The following RCSD1 variants were observed in gnomAD, a reference collection of about 807,000 sequenced individuals.
The protein encoded by RCSD1 is capZ-interacting protein.
RCSD1 carries 26 observed loss-of-function variants against 42.5 expected under a neutral mutation model. The observed-to-expected ratio is 0.61, with a 90% CI of 0.45 to 0.85. The LOEUF is 0.85. Among genes scored for constraint, RCSD1 ranks in the 40% least tolerant of loss-of-function variants. The pLI is 0.00. For missense variants in RCSD1, 571 were observed against 528.3 expected (o/e 1.08, Z -0.79); for synonymous variants, 220 against 212.2 (o/e 1.04, Z -0.32).
chr1:167,684,478 G>A (rs1659172005), intron 2 of RCSD1, among the ~76,000 whole-genome samples: 2 of 152,182 alleles, frequency 1.3e-5, no homozygotes, highest in Admixed American at 6.5e-5. Context: ...AAGGAAGAGC[G>A]TCCGGTGACC....
chr1:167,703,104 G>A (rs1026834568), intron 6 of RCSD1, among the ~76,000 whole-genome samples: 1 of 152,068 alleles, frequency 6.6e-6, no homozygotes, highest in Non-Finnish European at 1.5e-5. Context: ...TAACTTTGTA[G>A]TGTTAACATT....
At chr1:167,665,957 G>A (rs140154208) in intron 1 of RCSD1, among the ~76,000 whole-genome samples, 2,277 of 152,118 alleles carry the variant, frequency 0.015, 61 homozygotes, top group African/African-American at 0.051. Flanking sequence ...GATTACAGGC[G>A]TGTGCCACCA....
At chr1:167,686,159 C>T (rs1210580664) in intron 3 of RCSD1, among the ~76,000 whole-genome samples, 1 of 152,196 alleles carries the variant, frequency 6.6e-6, no homozygotes, top group Non-Finnish European at 1.5e-5. Context: ...GTGCCTTCTC[C>T]ACACCTTATG....
In RCSD1 at chr1:167,654,962, T is replaced by C. The variant is rs542600377; in HGVS notation, c.6+24533T>C. On this transcript the variant is annotated intron_variant, in intron 1 of 6. Transcript: ENST00000367854. ...TCTGCTCCTGAGTTCAGCTGGGTCC[T>C]GCAGACCCAGCCGTCATGTCTTCTC... 2.6e-4 allele frequency among the ~76,000 whole-genome samples: 40 copies of C among 152,288 alleles called. 1 individual carries two copies. The South Asian group carries it at 2.7e-3, about 10-fold the overall frequency.
chr1:167,640,835 A>G (rs1367229788), intron 1 of RCSD1: 1 of 152,124 alleles, frequency 6.6e-6, no homozygotes, highest in Non-Finnish European at 1.5e-5. Context: ...CAGGCATTAA[A>G]CACTGTGCCT....
At chr1:167,669,536 C>A (rs1658751598) in intron 1 of RCSD1, among the ~76,000 whole-genome samples, 2 of 152,224 alleles carry the variant, frequency 1.3e-5, no homozygotes, top group South Asian at 4.1e-4. Context: ...CTGCTCTTTT[C>A]ACTTTACATG....
intron 6 of RCSD1, among the ~76,000 whole-genome samples, chr1:167,699,458 C>T (rs1659588902): frequency 6.6e-6 from 1 of 152,112 alleles, no homozygotes. Context: ...TGCTGCAATT[C>T]ATGGCATCTC....
intron 3 of RCSD1, among the ~76,000 whole-genome samples, chr1:167,688,820 A>AC (rs1659303841): frequency 1.3e-5 from 2 of 152,306 alleles, no homozygotes; most frequent in East Asian, 3.9e-4. Flanking sequence ...GGAGCAGGTC[A>AC]TACACATTGG....
At chr1:167,668,626 C>A (rs1395248593) in intron 1 of RCSD1, among the ~76,000 whole-genome samples, 1 of 151,934 alleles carries the variant, frequency 6.6e-6, no homozygotes, top group Non-Finnish European at 1.5e-5. Context: ...TAGACTGTAA[C>A]CTCCATTATG....
intron 6 of RCSD1, among the ~76,000 whole-genome samples, chr1:167,698,113 C>T (rs13374522): frequency 0.068 from 10,354 of 152,192 alleles, 446 homozygotes; most frequent in Middle Eastern, 0.12. Flanking sequence ...TGTGAGTGAC[C>T]GAGCCTCGGC....
At chr1:167,638,980 G>A (rs1337881185) in intron 1 of RCSD1, among the ~76,000 whole-genome samples, 1 of 152,218 alleles carries the variant, frequency 6.6e-6, no homozygotes, top group Non-Finnish European at 1.5e-5. Flanking sequence ...CTCTTTGGGA[G>A]GGCAAGGAGG....
At chr1:167,679,595 C>T (rs1312655245) in intron 1 of RCSD1, among the ~76,000 whole-genome samples, 2 of 152,318 alleles carry the variant, frequency 1.3e-5, no homozygotes, top group South Asian at 4.1e-4. Context: ...TACCTCAGAC[C>T]TTTGAGGCTC....
chr1:167,696,795 A>G (rs1220220860), intron 5 of RCSD1, among the ~76,000 whole-genome samples: 1 of 152,096 alleles, frequency 6.6e-6, no homozygotes, highest in African/African-American at 2.4e-5. Flanking sequence ...TAAATTAGAC[A>G]CCGAACTGAT....
At chr1:167,643,155 T>C (rs1253833758) in intron 1 of RCSD1, among the ~76,000 whole-genome samples, 3 of 152,236 alleles carry the variant, frequency 2.0e-5, no homozygotes, top group Non-Finnish European at 4.4e-5. Context: ...CTTATGAAAG[T>C]ACCTTGAAGC....
At chr1:167,660,877 C>G (rs1027643751) in intron 1 of RCSD1, among the ~76,000 whole-genome samples, 4 of 152,212 alleles carry the variant, frequency 2.6e-5, no homozygotes, top group African/African-American at 4.8e-5. Flanking sequence ...TCCTCCCCAC[C>G]ACCAAATTGT....
At chr1:167,684,921 G>A (rs1434995353) in intron 2 of RCSD1, among the ~76,000 whole-genome samples, 1 of 152,208 alleles carries the variant, frequency 6.6e-6, no homozygotes, top group African/African-American at 2.4e-5. Context: ...GGTGCCCCAA[G>A]GTGGAGAGAA....
In RCSD1 at chr1:167,697,147, C is replaced by T. The variant is rs1438518358; in HGVS notation, c.523C>T (p.Arg175Ter). The change falls in exon 6 of 7, where the codon CGA becomes TGA. Residue 175 changes from arginine (R) to a stop codon, truncating the protein, a stop_gained. Coordinates refer to ENST00000367854, the MANE Select transcript of RCSD1 (RefSeq NM_052862.4). LOFTEE classifies it high-confidence loss of function. ...AAGGCGCCCTCCCTCCAGGCGATTCCGAAGGTCACAGTCAGACTGTGGAGA... is the reference window on the plus strand; with the variant it reads ...AAGGCGCCCTCCCTCCAGGCGATTCTGAAGGTCACAGTCAGACTGTGGAGA... ...IKRRPPSRRF[R>*]RSQSDCGELG... is the part of the protein sequence containing the mutation. 9 of 1,613,932 alleles carry T rather than the reference C, an allele frequency of 5.6e-6. No individual in the cohort carries two copies. The highest frequency in any genetic ancestry group is 5.9e-6 in the Non-Finnish European group (7 of 1,180,012).
intron 1 of RCSD1, among the ~76,000 whole-genome samples, chr1:167,654,367 T>C (rs1227256655): frequency 2.0e-5 from 3 of 152,122 alleles, no homozygotes; most frequent in Non-Finnish European, 4.4e-5. Flanking sequence ...GTACACGTGC[T>C]TCAGAGGGAA....
intron 1 of RCSD1, among the ~76,000 whole-genome samples, chr1:167,648,784 G>A (rs1390735030): frequency 6.6e-6 from 1 of 152,182 alleles, no homozygotes; most frequent in Non-Finnish European, 1.5e-5. Context: ...CAGAGGGTTT[G>A]GGCTGAACTC....
Sources: gnomAD v4.1 joint callset for allele counts (sites outside exome capture counted in the v4.1 genomes callset) on GRCh38, gnomAD v4.1.1 for gene constraint, MANE v1.5 for transcripts, NCBI Gene and HGNC (gene_info 2026-07-23, HGNC 2026-07-21) for gene names.